Variants in MARCHF2 observed in about 807,000 individuals in gnomAD.
MARCHF2 encodes membrane associated ring-CH-type finger 2.
A neutral mutation model predicts 24.0 loss-of-function variants in MARCHF2; 22 were observed. The ratio of observed to expected loss-of-function variants is 0.92; its 90% confidence interval spans 0.66 to 1.31. The LOEUF is 1.31. Among genes scored for constraint, MARCHF2 ranks in the 50% most tolerant of loss-of-function variants. The pLI, the probability that MARCHF2 is intolerant of heterozygous loss-of-function variation, is 0.00. For missense variants in MARCHF2, 301 were observed against 335.3 expected, an observed-to-expected ratio of 0.90 and a Z score of 0.80; for synonymous variants, 154 against 153.0, an observed-to-expected ratio of 1.01 and a Z score of -0.05.
At chr19:8,420,496 A>G (rs1347093305) in intron 1 of MARCHF2, among the ~76,000 whole-genome samples, 1 of 149,826 alleles carries the variant, frequency 6.7e-6, no homozygotes, top group Non-Finnish European at 1.5e-5. Flanking sequence ...AGATCGTGCC[A>G]CTGCGCTCCA....
chr19:8,420,215 G>A (rs1599702010), intron 1 of MARCHF2, among the ~76,000 whole-genome samples: 1 of 150,990 alleles, frequency 6.6e-6, no homozygotes, highest in Non-Finnish European at 1.5e-5. Flanking sequence ...GAGTGTGGTG[G>A]TGGGCCCCTG....
At chr19:8,429,651 C>T (rs966389140) in intron 3 of MARCHF2, among the ~76,000 whole-genome samples, 4 of 151,444 alleles carry the variant, frequency 2.6e-5, no homozygotes, top group African/African-American at 7.3e-5. Flanking sequence ...ATTATAGGTG[C>T]GTGCTACCAC....
rs1225985366 is a variant in MARCHF2, at chr19:8,419,824, AAT to A, written c.-52-1963_-52-1962del. Among the ~76,000 whole-genome samples, 189 of 141,514 alleles carry A rather than the reference AAT, an allele frequency of 1.3e-3. 6 individuals are homozygous for A. Among genetic ancestry groups the A allele is most frequent in the Middle Eastern group, 0.01 (3 of 290 alleles). 92.8% of individuals were successfully genotyped at this position (141,514 alleles called of 152,430 possible). ...GAGCAAGACTCCGTCTCAAAAAAAA[AAT>A]AAATAAATAAATAAATAAAAATAAA... On this transcript the variant is annotated intron_variant, in intron 1 of 4. Transcript: ENST00000215555.
intron 1 of MARCHF2, among the ~76,000 whole-genome samples, chr19:8,416,314 C>T (rs1377352206): frequency 6.9e-6 from 1 of 145,596 alleles, no homozygotes; most frequent in Middle Eastern, 3.6e-3. Flanking sequence ...GTACTCCAGC[C>T]TGGGCGACAG....
At position 8,438,738 on chromosome 19, in the gene MARCHF2, T is replaced by G. The variant is rs530810099; in HGVS notation, c.*192T>G. On this transcript the variant is annotated 3_prime_UTR_variant, in exon 5 of 5. Transcript: ENST00000215555. ...TGAAGATATTTTCAGGGTTTTTTTT[T>G]TTTTTTTTTTGCATATGGAGGACAG... The G allele has an allele frequency of 3.4e-3, 1,913 of 566,086 alleles. 2 individuals carry two copies. The highest frequency in any genetic ancestry group is 7.7e-3 in the East Asian group (224 of 29,228). 35.1% of individuals were successfully genotyped at this position (566,086 alleles called of 1,614,324 possible).
At position 8,438,689 on chromosome 19, in the gene MARCHF2, C is replaced by T; in HGVS notation, c.*143C>T. On this transcript the variant is annotated 3_prime_UTR_variant, in exon 5 of 5. Coordinates refer to ENST00000215555, the MANE Select transcript of MARCHF2 (RefSeq NM_001005415.2). ...GCTTCTTAGGCCAAGAGACACCATG[C>T]AGAGCCTAGTCTGTGATCCTGTGTG... 1.2e-5 allele frequency: 9 copies of T among 726,314 alleles called. No individual in the cohort carries two copies. Among genetic ancestry groups the T allele is most frequent in the East Asian group, 8.7e-5 (3 of 34,378 alleles). 45.0% of individuals were successfully genotyped at this position (726,314 alleles called of 1,614,324 possible). A position where few individuals can be genotyped will look rare whatever the true frequency, so the allele number is the denominator to read the frequency against.
At chr19:8,429,195 C>T (rs1189282214) in intron 3 of MARCHF2, among the ~76,000 whole-genome samples, 4 of 151,508 alleles carry the variant, frequency 2.6e-5, no homozygotes, top group African/African-American at 4.9e-5. Flanking sequence ...CTGTTCATTC[C>T]GTTCTCTTCA....
At chr19:8,436,153 G>A (rs189646720) in intron 4 of MARCHF2, among the ~76,000 whole-genome samples, 30 of 151,070 alleles carry the variant, frequency 2.0e-4, no homozygotes, top group Admixed American at 1.5e-3. Context: ...TTTTTTTTGG[G>A]GGGGACAGAG....
chr19:8,437,934 G>A (rs577844926), intron 4 of MARCHF2, among the ~76,000 whole-genome samples: 7 of 151,858 alleles, frequency 4.6e-5, no homozygotes, highest in South Asian at 2.1e-4. Context: ...TAGTAGAGAC[G>A]GGGTTTTTAG....
chr19:8,424,458 G>C (rs1967341767), intron 2 of MARCHF2, among the ~76,000 whole-genome samples: 1 of 152,060 alleles, frequency 6.6e-6, no homozygotes, highest in Non-Finnish European at 1.5e-5. Flanking sequence ...ACGAGGTCAG[G>C]AGATCGAGAC....
Position 8,427,397 on chromosome 19 carries a change from C to CACTCTGTT in MARCHF2, c.372+595_372+602dup, listed in dbSNP as rs528456642. 5.8e-4 allele frequency among the ~76,000 whole-genome samples: 88 copies of CACTCTGTT among 151,930 alleles called. No individual in the cohort carries two copies. In the Middle Eastern group the frequency reaches 0.01, roughly 18 times the overall value. On this transcript the variant is annotated intron_variant, in intron 3 of 4. Transcript: ENST00000215555. ...TCCTGGGCACCTCCAGCATGCCCAGCACTCTGTTAGGCACTGGGGACCCAG... is the reference window on the plus strand; with the variant it reads ...TCCTGGGCACCTCCAGCATGCCCAGCACTCTGTTACTCTGTTAGGCACTGGGGACCCAG...
Position 8,430,776 on chromosome 19 carries a change from A to G in MARCHF2, c.491A>G (p.Gln164Arg), listed in dbSNP as rs1282816555. 1 of 1,611,296 alleles carries G rather than the reference A, an allele frequency of 6.2e-7. No individual in the cohort carries two copies. Among genetic ancestry groups the G allele is most frequent in the Non-Finnish European group, 8.5e-7 (1 of 1,180,012 alleles). The stretch of plus-strand genomic sequence containing the variant: ...GGCTGGTTGTGCCTGCGCGGGGCCC[A>G]GGACCACCTCCGGCTCCACAGCCAG... ...ISGWLCLRGA[Q>R]DHLRLHSQLE... Residue 164 changes from glutamine (Q) to arginine (R), a missense_variant, in exon 4 of 5, where the codon CAG becomes CGG. Physicochemically the swap from Gln to Arg is conservative, Grantham distance 43 (BLOSUM62 1). Coordinates refer to ENST00000215555, the MANE Select transcript of MARCHF2 (RefSeq NM_001005415.2). The surrounding 1 kb of genome is among the most constrained non-coding windows in gnomAD (Gnocchi z 4.4).
intron 3 of MARCHF2, among the ~76,000 whole-genome samples, chr19:8,427,204 T>G (rs964832482): frequency 6.6e-6 from 1 of 152,024 alleles, no homozygotes; most frequent in Non-Finnish European, 1.5e-5. Flanking sequence ...TGCGCCACCA[T>G]GCCCAGCTAA....
intron 1 of MARCHF2, 74 bp from the exon 2 acceptor site, chr19:8,421,715 C>T: frequency 7.8e-6 from 6 of 773,744 alleles, no homozygotes; most frequent in Non-Finnish European, 4.0e-6. Flanking sequence ...ACAGCCTTGA[C>T]AAGAGGGGAC....
Position 8,420,355 on chromosome 19 carries a change from A to T in MARCHF2, c.-52-1434A>T, listed in dbSNP as rs1453869267. ...AAGAGTGAAACTCCATCTTAAAAAA[A>T]AAATAAATAAATATAAATAAAAATA... is the stretch of plus-strand genomic sequence containing the variant. On this transcript the variant is annotated intron_variant, in intron 1 of 4. Transcript: ENST00000215555. Among the ~76,000 whole-genome samples the T allele has an allele frequency of 3.3e-4, 49 of 149,216 alleles. 3 individuals are homozygous for T. Among genetic ancestry groups the T allele is most frequent in the East Asian group, 1.2e-3 (6 of 5,110 alleles).
At chr19:8,416,936 C>T (rs1040727257) in intron 1 of MARCHF2, among the ~76,000 whole-genome samples, 28 of 152,110 alleles carry the variant, frequency 1.8e-4, no homozygotes, top group African/African-American at 2.4e-4. Context: ...ACAACTGTTT[C>T]GAGTTCAGTG....
At chr19:8,433,521 A>G (rs1967633336) in intron 4 of MARCHF2, among the ~76,000 whole-genome samples, 1 of 152,014 alleles carries the variant, frequency 6.6e-6, no homozygotes. Flanking sequence ...TACTAAAAAT[A>G]CAAAATTAGC....
At chr19:8,421,739 C>T (rs974440600) in intron 1 of MARCHF2, 50 bp from the exon 2 acceptor site, 6 of 1,059,542 alleles carry the variant, frequency 5.7e-6, no homozygotes, top group African/African-American at 3.2e-5. Flanking sequence ...AACCTTAGTC[C>T]GTCAGGCTCA....
chr19:8,438,956 A>G lies in MARCHF2; in HGVS notation c.*410A>G. ...CCTGGCACCCTCGACTTTATATAAA[A>G]GTTGCACTGCGTTTCAAAAACCCAC... is the stretch of plus-strand genomic sequence containing the variant. On this transcript the variant is annotated 3_prime_UTR_variant, in exon 5 of 5. Coordinates refer to ENST00000215555, the MANE Select transcript of MARCHF2 (RefSeq NM_001005415.2). The G allele has an allele frequency of 6.4e-6, 1 of 155,272 alleles. No homozygotes were observed. Among genetic ancestry groups the G allele is most frequent in the Non-Finnish European group, 1.4e-5 (1 of 71,004 alleles). The allele number at this position is 155,272 out of a possible 1,614,324, so 9.6% of individuals were successfully genotyped here. A position where few individuals can be genotyped will look rare whatever the true frequency, so the allele number is the denominator to read the frequency against.
Sources: allele counts gnomAD v4.1 joint callset (sites outside exome capture counted in the v4.1 genomes callset), GRCh38; gene constraint gnomAD v4.1.1; non-coding constraint Gnocchi (gnomAD v3.1); transcripts MANE v1.5; gene names NCBI Gene and HGNC (gene_info 2026-07-23, HGNC 2026-07-21).